FBXO38: variants seen among roughly 807,000 people sequenced by gnomAD.
FBXO38 encodes F-box protein 38.
Under a neutral mutation model 131.9 loss-of-function variants are expected in FBXO38, and 53 were observed. That is an observed-to-expected ratio of 0.40 (90% CI 0.32 to 0.51). FBXO38 has a LOEUF of 0.51. Among genes scored for constraint, FBXO38 ranks in the 20% least tolerant of loss-of-function variants. The probability of loss-of-function intolerance (pLI) is 0.53; values close to 1 mark genes in which losing one functional copy is unlikely to be tolerated. For missense variants in FBXO38, 1,076 were observed against 1,475.6 expected, an observed-to-expected ratio of 0.73 and a Z score of 4.44; for synonymous variants, 452 against 505.6, an observed-to-expected ratio of 0.89 and a Z score of 1.42.
chr5:148,433,475 A>T lies in FBXO38; in HGVS notation c.2705A>T (p.Asp902Val). The change falls in exon 16 of 22, where the codon GAT becomes GTT. Residue 902 changes from aspartate (D) to valine (V), a missense_variant. Asp to Val is a radical substitution (Grantham distance 152, BLOSUM62 -3). Around this residue, in one of 8 missense-constraint regions of FBXO38, gnomAD observed 282 missense variants for 418.8 expected, o/e 0.67. Transcript: ENST00000340253. ...GCCATGAAACGGAAGCGGACAGCAG[A>T]TAAATCCACTAGTACAAGTGATCCT... ...RHAMKRKRTA[D>V]KSTSTSDPVI... 1 of 1,614,068 alleles carries T rather than the reference A, an allele frequency of 6.2e-7. No homozygotes were observed. The highest frequency in any genetic ancestry group is 8.5e-7 in the Non-Finnish European group (1 of 1,179,954).
intron 17 of FBXO38, among the ~76,000 whole-genome samples, chr5:148,436,274 C>G (rs1023812595): frequency 6.6e-6 from 1 of 152,114 alleles, no homozygotes; most frequent in Admixed American, 6.5e-5. Context: ...TATGCACACA[C>G]CCACACACAC....
chr5:148,435,294 A>G (rs923460056), intron 17 of FBXO38, among the ~76,000 whole-genome samples: 4 of 152,160 alleles, frequency 2.6e-5, no homozygotes, highest in Admixed American at 6.5e-5. Context: ...CATATCATCA[A>G]TAAGGCTGTT....
At chr5:148,416,196 G>A in intron 11 of FBXO38, 126 bp downstream of exon 11, 2 of 845,628 alleles carry the variant, frequency 2.4e-6, no homozygotes, top group South Asian at 4.4e-5. Context: ...ACTTTTTACT[G>A]CCAGCCTCAG....
chr5:148,434,394 A>G (rs1754225478), intron 17 of FBXO38: 1 of 152,068 alleles, frequency 6.6e-6, no homozygotes, highest in Non-Finnish European at 1.5e-5. Context: ...TGATCTATTA[A>G]TTTTACCTTT....
At chr5:148,436,438 T>C (rs955383829) in intron 17 of FBXO38, among the ~76,000 whole-genome samples, 1 of 152,222 alleles carries the variant, frequency 6.6e-6, no homozygotes, top group Non-Finnish European at 1.5e-5. Flanking sequence ...GAAATATTCA[T>C]TGGAGCAGCA....
chr5:148,419,239 G>C (rs1753254242), intron 12 of FBXO38, among the ~76,000 whole-genome samples: 1 of 152,192 alleles, frequency 6.6e-6, no homozygotes, highest in African/African-American at 2.4e-5. Flanking sequence ...AGAGGCAATG[G>C]CTGCATTTGT....
At chr5:148,431,451 T>A (rs1754038739) in intron 15 of FBXO38, among the ~76,000 whole-genome samples, 1 of 152,164 alleles carries the variant, frequency 6.6e-6, no homozygotes, top group South Asian at 2.1e-4. Flanking sequence ...CTTTACCTAA[T>A]TTTGAACCCC....
In FBXO38 at chr5:148,438,346, G is replaced by C; in HGVS notation, c.2872G>C (p.Val958Leu). The C allele has an allele frequency of 6.2e-7, 1 of 1,613,810 alleles. No homozygotes were observed. Among genetic ancestry groups the C allele is most frequent in the Non-Finnish European group, 8.5e-7 (1 of 1,179,786 alleles). Reference protein sequence around the residue: ...MMFIHATRCRVLKHLKVENAP... With the variant: ...MMFIHATRCRLLKHLKVENAP... ...TCATTTTGTAGCTACCAGGTGCAGG[G>C]TACTAAAACATTTAAAGGTAGAAAA... The change falls in exon 18 of 22, where the codon GTA becomes CTA. Residue 958 changes from valine (V) to leucine (L), a missense_variant. Val to Leu is a conservative substitution (Grantham distance 32). This residue lies in a region of FBXO38 where 282 missense variants were observed against 418.8 expected (regional missense o/e 0.67). Coordinates refer to ENST00000340253, the MANE Select transcript of FBXO38 (RefSeq NM_205836.3).
At chr5:148,424,293 T>C (rs1753600547) in intron 13 of FBXO38, among the ~76,000 whole-genome samples, 176 bp downstream of exon 13, 1 of 152,262 alleles carries the variant, frequency 6.6e-6, no homozygotes, top group Non-Finnish European at 1.5e-5. Flanking sequence ...TGTATCTTAC[T>C]AAAGTTTGTC....
At chr5:148,398,456 A>G (rs73264557) in intron 2 of FBXO38, among the ~76,000 whole-genome samples, 44,920 of 150,064 alleles carry the variant, frequency 0.3, 6,987 homozygotes, top group African/African-American at 0.39. Flanking sequence ...AAAAAAAAAA[A>G]TGGGAAAAGA....
At chr5:148,436,203 C>T (rs868454027) in intron 17 of FBXO38, among the ~76,000 whole-genome samples, 9 of 152,134 alleles carry the variant, frequency 5.9e-5, no homozygotes, top group Middle Eastern at 6.8e-3. Context: ...GTAATGTCTG[C>T]GAAGCACAAT....
intron 15 of FBXO38, among the ~76,000 whole-genome samples, chr5:148,428,750 T>C (rs1174973953): frequency 1.3e-5 from 2 of 152,202 alleles, no homozygotes; most frequent in East Asian, 1.9e-4. Flanking sequence ...ATATTCAAAA[T>C]AGAACTAATG....
chr5:148,408,604 G>A (rs1295940185), intron 7 of FBXO38, among the ~76,000 whole-genome samples: 1 of 152,144 alleles, frequency 6.6e-6, no homozygotes, highest in Non-Finnish European at 1.5e-5. Flanking sequence ...AGTAAAAGAA[G>A]CCAGACACAA....
chr5:148,430,230 C>T (rs1753965270), intron 15 of FBXO38: 1 of 150,658 alleles, frequency 6.6e-6, no homozygotes, highest in Admixed American at 6.6e-5. Flanking sequence ...TCTTGGCTCA[C>T]TGCAGCCTCC....
Position 148,394,837 on chromosome 5 carries a change from A to G in FBXO38, c.61A>G (p.Met21Val), listed in dbSNP as rs1581225783. The change falls in exon 2 of 22, where the codon ATG becomes GTG. Residue 21 changes from methionine (M) to valine (V), a missense_variant. Transcript: ENST00000340253. ...CATGAATAATGAAATTCCAGAAGAA[A>G]TGACAGCAGATGAAACAAAGGACTA... is the stretch of plus-strand genomic sequence containing the variant. ...CIMNNEIPEE[M>V]TADETKDYMN... is the part of the protein sequence containing the mutation. 3.1e-6 allele frequency: 5 copies of G among 1,604,224 alleles called. No homozygotes were observed. Among genetic ancestry groups the G allele is most frequent in the Middle Eastern group, 1.7e-4 (1 of 6,024 alleles).
chr5:148,433,526 T>A lies in FBXO38; in HGVS notation c.2754+2T>A. On this transcript the variant is annotated splice_donor_variant, in intron 16 of 21. Transcript: ENST00000340253. LOFTEE classifies it high-confidence loss of function. ...GTGATCGAGGATGACCATGTGCAGG[T>A]AGAGAAAAAACCCTCACTTACCTTT... 6.2e-7 allele frequency: 1 copy of A among 1,607,590 alleles called. No individual in the cohort carries two copies. Among genetic ancestry groups the A allele is most frequent in the Non-Finnish European group, 8.5e-7 (1 of 1,175,436 alleles).
At chr5:148,425,742 T>C (rs1385235471) in intron 14 of FBXO38, 41 bp downstream of exon 14, 3 of 1,558,342 alleles carry the variant, frequency 1.9e-6, no homozygotes, top group Non-Finnish European at 2.6e-6. Context: ...TGAGAGTCAC[T>C]ATCAGAACTG....
At chr5:148,402,187 G>T in intron 4 of FBXO38, 42 bp downstream of exon 4, 1 of 1,583,238 alleles carries the variant, frequency 6.3e-7, no homozygotes, top group South Asian at 1.1e-5. Flanking sequence ...AACTGTTTAT[G>T]AAATAATAGA....
chr5:148,417,917 T>C (rs1753155485), intron 12 of FBXO38, among the ~76,000 whole-genome samples: 1 of 152,210 alleles, frequency 6.6e-6, no homozygotes, highest in South Asian at 2.1e-4. Context: ...TTGCCTACTC[T>C]TGCACACAGT....
Sources: allele counts gnomAD v4.1 joint callset (sites outside exome capture counted in the v4.1 genomes callset), GRCh38; gene constraint gnomAD v4.1.1; regional missense constraint gnomAD v4.1.1; transcripts MANE v1.5; gene names NCBI Gene and HGNC (gene_info 2026-07-23, HGNC 2026-07-21).